Variants in EBF1 observed in about 807,000 individuals in gnomAD.
The protein encoded by EBF1 is EBF transcription factor 1, also known as transcription factor COE1.
In EBF1, 10 loss-of-function variants were observed where a neutral mutation model predicts 68.4. The observed-to-expected ratio is 0.15, with a 90% CI of 0.09 to 0.25. The LOEUF (loss-of-function observed/expected upper bound fraction) is 0.25. EBF1 is among the 10% of genes least tolerant of loss of function. The pLI is 1.00. For synonymous variants in EBF1, 298 were observed against 299.8 expected, an observed-to-expected ratio of 0.99 and a Z score of 0.06; for missense variants, 509 against 794.4, an observed-to-expected ratio of 0.64 and a Z score of 4.32.
chr5:158,706,730 G>T (rs899103974), intron 15 of EBF1, among the ~76,000 whole-genome samples: 1 of 152,146 alleles, frequency 6.6e-6, no homozygotes, highest in African/African-American at 2.4e-5. Context: ...TGGGCTTAAG[G>T]GCACAGACTC....
At chr5:158,782,271 G>A (rs982237168) in intron 9 of EBF1, among the ~76,000 whole-genome samples, 1 of 152,108 alleles carries the variant, frequency 6.6e-6, no homozygotes, top group African/African-American at 2.4e-5. Context: ...AGCCTATTTT[G>A]CTTTGTGCCA....
At chr5:159,066,988 T>C (rs181955912) in intron 6 of EBF1, among the ~76,000 whole-genome samples, 1 of 152,132 alleles carries the variant, frequency 6.6e-6, no homozygotes, top group Admixed American at 6.6e-5. Flanking sequence ...TAACATCTCA[T>C]GCAAATTAAA....
intron 10 of EBF1, among the ~76,000 whole-genome samples, chr5:158,743,278 A>T (rs1581512897): frequency 6.6e-6 from 1 of 152,246 alleles, no homozygotes; most frequent in Admixed American, 6.5e-5. Flanking sequence ...AAAGGACAGG[A>T]AAAGCATTCC....
intron 10 of EBF1, among the ~76,000 whole-genome samples, chr5:158,746,946 T>G (rs1767716840): frequency 6.6e-6 from 1 of 152,202 alleles, no homozygotes; most frequent in South Asian, 2.1e-4. Flanking sequence ...CTGGATTGCA[T>G]TTTTCAAAAG....
intron 11 of EBF1, among the ~76,000 whole-genome samples, chr5:158,727,825 A>G (rs1763302304): frequency 6.6e-6 from 1 of 152,182 alleles, no homozygotes; most frequent in South Asian, 2.1e-4. Context: ...AGCACGTCCA[A>G]GTTTTTTTGA....
At chr5:159,055,311 C>T (rs376755090) in intron 6 of EBF1, among the ~76,000 whole-genome samples, 12 of 152,242 alleles carry the variant, frequency 7.9e-5, no homozygotes, top group African/African-American at 2.9e-4. Context: ...CCTTAAAGAT[C>T]CTAAGTGTTT....
At chr5:159,070,707 A>T (rs886311317) in intron 6 of EBF1, among the ~76,000 whole-genome samples, 11 of 152,342 alleles carry the variant, frequency 7.2e-5, no homozygotes, top group Admixed American at 7.2e-4. Context: ...CTGCGTGTTA[A>T]AACTATGCTA....
At chr5:159,074,492 A>T (rs535321024) in intron 5 of EBF1, among the ~76,000 whole-genome samples, 2 of 152,332 alleles carry the variant, frequency 1.3e-5, no homozygotes, top group South Asian at 2.1e-4. Context: ...TCTTACACAC[A>T]CACGTGTACA....
In EBF1 at chr5:158,713,095, G is replaced by C; in HGVS notation, c.1244C>G (p.Pro415Arg). The change falls in exon 13 of 16, where the codon CCC becomes CGC. Residue 415 changes from proline to arginine, a missense_variant. By Grantham distance (103) the Pro-to-Arg change is moderately radical. Transcript: ENST00000313708. ...ADIAEALYSV[P>R]RNHNQLPALA... is the part of the protein sequence containing the mutation. ...GGCCGGGAGTTGGTTGTGGTTGCGG[G>C]GAACACTGTACAGGGCCTCGGCAAT... is the stretch of plus-strand genomic sequence containing the variant. 1 of 1,597,466 alleles carries C rather than the reference G, an allele frequency of 6.3e-7. No individual in the cohort carries two copies. Among genetic ancestry groups the C allele is most frequent in the South Asian group, 1.1e-5 (1 of 88,428 alleles).
chr5:158,875,784 T>A (rs1428148774), intron 6 of EBF1, among the ~76,000 whole-genome samples: 1 of 152,260 alleles, frequency 6.6e-6, no homozygotes, highest in Non-Finnish European at 1.5e-5. Flanking sequence ...CATTTTTACC[T>A]GCCTCCTATT....
intron 6 of EBF1, among the ~76,000 whole-genome samples, chr5:159,035,475 T>C (rs1021436711): frequency 4.6e-5 from 7 of 152,162 alleles, no homozygotes; most frequent in African/African-American, 1.7e-4. Context: ...AATCACAGGA[T>C]TGAAGGATCT....
In EBF1 at chr5:158,918,018, A is replaced by G. The variant is rs554240097; in HGVS notation, c.555-77908T>C. On this transcript the variant is annotated intron_variant, in intron 6 of 15. Transcript: ENST00000313708. ...AGAACACTGAGGCCATTGAAGACAG[A>G]AGAGAGAGAGAAGGCAAGTGGCAGG... Among the ~76,000 whole-genome samples, 341 of 152,242 alleles carry G rather than the reference A, an allele frequency of 2.2e-3. 2 individuals are homozygous for G. The highest frequency in any genetic ancestry group is 8.0e-3 in the African/African-American group (331 of 41,548).
At chr5:159,022,056 T>TTAAAAAA (rs765107678) in intron 6 of EBF1, among the ~76,000 whole-genome samples, 1 of 105,630 alleles carries the variant, frequency 9.5e-6, no homozygotes, top group African/African-American at 3.7e-5. Context: ...GTCAGCACGA[T>TTAAAAAA]AAAAAAAAAA....
intron 8 of EBF1, among the ~76,000 whole-genome samples, chr5:158,822,716 G>A (rs1173897434): frequency 2.6e-5 from 4 of 152,212 alleles, no homozygotes; most frequent in African/African-American, 9.6e-5. Context: ...GGTGGTCACA[G>A]AGATACACCA....
intron 6 of EBF1, among the ~76,000 whole-genome samples, chr5:158,967,574 T>C (rs1470874002): frequency 1.3e-5 from 2 of 152,194 alleles, no homozygotes; most frequent in Non-Finnish European, 2.9e-5. Flanking sequence ...GAGAGTTATG[T>C]AGTTGCTCAG....
intron 6 of EBF1, among the ~76,000 whole-genome samples, chr5:158,905,658 A>C (rs941661579): frequency 1.3e-5 from 2 of 152,220 alleles, no homozygotes; most frequent in African/African-American, 4.8e-5. Flanking sequence ...GTTCCTTTGC[A>C]CAGGAGCAAC....
chr5:159,096,664 C>A, intron 2 of EBF1: 2 of 605,716 alleles, frequency 3.3e-6, no homozygotes, highest in South Asian at 4.0e-5. Context: ...GCTCGTGCCC[C>A]GGCCACCAGA....
chr5:159,070,261 GTGCACTTCC>G (rs1017853757), intron 6 of EBF1, among the ~76,000 whole-genome samples: 2 of 152,142 alleles, frequency 1.3e-5, no homozygotes, highest in Admixed American at 6.6e-5. Context: ...AACTCCAGAT[GTGCACTTCC>G]TGCATTTACA....
chr5:158,939,197 G>A (rs1197687068), intron 6 of EBF1, among the ~76,000 whole-genome samples: 1 of 152,156 alleles, frequency 6.6e-6, no homozygotes, highest in African/African-American at 2.4e-5. Flanking sequence ...TGCGGGACAA[G>A]GGCTGAGTCT....
Sources: allele counts gnomAD v4.1 joint callset (sites outside exome capture counted in the v4.1 genomes callset), GRCh38; gene constraint gnomAD v4.1.1; transcripts MANE v1.5; gene names NCBI Gene and HGNC (gene_info 2026-07-23, HGNC 2026-07-21).